UQCC1: variants seen among roughly 807,000 people sequenced by gnomAD.
The protein encoded by UQCC1 is ubiquinol-cytochrome c reductase complex assembly factor 1, also known as bFGF-repressed Zic-binding protein.
Under a neutral mutation model 48.0 loss-of-function variants are expected in UQCC1, and 38 were observed. The ratio of observed to expected loss-of-function variants is 0.79; its 90% confidence interval spans 0.61 to 1.04. The LOEUF (loss-of-function observed/expected upper bound fraction) is 1.04. UQCC1 is among the 50% of genes least tolerant of loss of function. The pLI is 0.00. For synonymous variants in UQCC1, 111 were observed against 129.2 expected (o/e 0.86, Z 0.95); for missense variants, 368 against 381.8 (o/e 0.96, Z 0.30).
At chr20:35,316,529 C>G (rs771712610) in intron 7 of UQCC1, among the ~76,000 whole-genome samples, 5 of 152,144 alleles carry the variant, frequency 3.3e-5, no homozygotes, top group South Asian at 4.1e-4. Context: ...TAACTAGTCT[C>G]GGAAGAAATG....
intron 3 of UQCC1, among the ~76,000 whole-genome samples, chr20:35,382,655 A>G (rs1203844331): frequency 3.6e-4 from 54 of 149,722 alleles, no homozygotes; most frequent in East Asian, 2.0e-3. Context: ...TGGGACAGGC[A>G]CCCACCACCA....
At chr20:35,327,063 C>T (rs560694242) in intron 7 of UQCC1, among the ~76,000 whole-genome samples, 1 of 152,272 alleles carries the variant, frequency 6.6e-6, no homozygotes, top group East Asian at 1.9e-4. Flanking sequence ...GCCCAGATGG[C>T]AACATTTTCT....
intron 7 of UQCC1, among the ~76,000 whole-genome samples, chr20:35,343,003 A>G (rs2061397024): frequency 6.6e-6 from 1 of 152,202 alleles, no homozygotes; most frequent in Admixed American, 6.5e-5. Context: ...ATTTCAAAGG[A>G]GTTTTTGATG....
intron 7 of UQCC1, among the ~76,000 whole-genome samples, chr20:35,335,352 A>G (rs899419779): frequency 6.6e-6 from 1 of 152,252 alleles, no homozygotes; most frequent in Non-Finnish European, 1.5e-5. Flanking sequence ...GGAAAGTGGA[A>G]AGACTAAATG....
intron 7 of UQCC1, among the ~76,000 whole-genome samples, chr20:35,339,995 C>T (rs557565632): frequency 3.9e-5 from 6 of 152,272 alleles, no homozygotes; most frequent in Non-Finnish European, 8.8e-5. Context: ...CAAGCACGTT[C>T]TCCTATGTAA....
chr20:35,380,555 A>G (rs1303278030), intron 4 of UQCC1, among the ~76,000 whole-genome samples: 3 of 152,256 alleles, frequency 2.0e-5, no homozygotes, highest in East Asian at 1.9e-4. Context: ...GTAGAAGTCT[A>G]TAATAAAATT....
intron 6 of UQCC1, among the ~76,000 whole-genome samples, chr20:35,352,693 T>TC (rs1555807823): frequency 5.9e-5 from 2 of 34,112 alleles, no homozygotes; most frequent in African/African-American, 1.2e-4. Context: ...TGGTTTTTGT[T>TC]TTTTTCAGAG....
intron 8 of UQCC1, among the ~76,000 whole-genome samples, chr20:35,308,154 C>T (rs2146294085): frequency 6.6e-6 from 1 of 152,358 alleles, no homozygotes; most frequent in Admixed American, 6.5e-5. Context: ...CCAACAAGGG[C>T]CATGTCCAGT....
intron 6 of UQCC1, among the ~76,000 whole-genome samples, chr20:35,359,349 T>C (rs138807045): frequency 3.3e-5 from 5 of 152,334 alleles, no homozygotes; most frequent in African/African-American, 4.8e-5. Context: ...TCCCCCCTTT[T>C]TCTCCCATTC....
chr20:35,411,829 C>CTA, intron 1 of UQCC1, 111 bp downstream of exon 1: 1 of 1,459,470 alleles, frequency 6.9e-7, no homozygotes, highest in South Asian at 1.1e-5. Flanking sequence ...CTCAGCCTAG[C>CTA]TATAACACAG....
At chr20:35,321,563 T>C (rs2061130134) in intron 7 of UQCC1, among the ~76,000 whole-genome samples, 1 of 152,154 alleles carries the variant, frequency 6.6e-6, no homozygotes, top group African/African-American at 2.4e-5. Flanking sequence ...TTTAAAAATA[T>C]TCCCTTATTG....
chr20:35,400,794 C>G (rs2062153507), intron 1 of UQCC1, among the ~76,000 whole-genome samples: 2 of 152,154 alleles, frequency 1.3e-5, no homozygotes, highest in South Asian at 4.1e-4. Flanking sequence ...CATGCCTGGC[C>G]AAAACCAAAA....
intron 7 of UQCC1, among the ~76,000 whole-genome samples, chr20:35,325,574 G>A (rs1203516583): frequency 2.0e-5 from 3 of 152,142 alleles, no homozygotes; most frequent in Non-Finnish European, 2.9e-5. Flanking sequence ...CACGTATTGA[G>A]TAACTGCTGT....
chr20:35,409,479 A>T, intron 1 of UQCC1: 1 of 183,200 alleles, frequency 5.5e-6, no homozygotes, highest in African/African-American at 2.3e-5. Context: ...TCAGAAAAAA[A>T]AAAAAAAGTT....
intron 7 of UQCC1, among the ~76,000 whole-genome samples, chr20:35,333,379 G>C (rs577768761): frequency 1.1e-4 from 17 of 152,304 alleles, no homozygotes; most frequent in African/African-American, 3.4e-4. Context: ...TAAAGTCTGT[G>C]GGGGGCGGGA....
chr20:35,383,112 A>G (rs2061896714), intron 3 of UQCC1, among the ~76,000 whole-genome samples: 2 of 152,232 alleles, frequency 1.3e-5, no homozygotes, highest in African/African-American at 2.4e-5. Context: ...GTCAAAAGTC[A>G]TTCAAAACTG....
At chr20:35,363,928 TC>T (rs2061636315) in intron 6 of UQCC1, among the ~76,000 whole-genome samples, 1 of 151,960 alleles carries the variant, frequency 6.6e-6, no homozygotes, top group Non-Finnish European at 1.5e-5. Flanking sequence ...TTGGGGTGGA[TC>T]CATCATTCCT....
intron 4 of UQCC1, among the ~76,000 whole-genome samples, chr20:35,374,936 T>C (rs972309789): frequency 6.6e-6 from 1 of 152,132 alleles, no homozygotes; most frequent in African/African-American, 2.4e-5. Context: ...TTACACTGTA[T>C]ATAAATTATG....
intron 7 of UQCC1, among the ~76,000 whole-genome samples, chr20:35,338,872 A>T (rs1568666033): frequency 1.6e-4 from 9 of 57,642 alleles, no homozygotes; most frequent in Non-Finnish European, 2.3e-4. Flanking sequence ...AAAAAAAAAA[A>T]AAAAAAAAAA....
Sources: allele counts gnomAD v4.1 joint callset (sites outside exome capture counted in the v4.1 genomes callset), GRCh38; gene constraint gnomAD v4.1.1; transcripts MANE v1.5; gene names NCBI Gene and HGNC (gene_info 2026-07-23, HGNC 2026-07-21).